Variants in BNC2 observed in about 807,000 individuals in gnomAD.
BNC2 encodes the protein basonuclin zinc finger protein 2.
BNC2 carries 20 observed loss-of-function variants against 76.3 expected under a neutral mutation model. The observed-to-expected ratio is 0.26, with a 90% confidence interval of 0.18 to 0.38. BNC2 has a LOEUF of 0.38. BNC2 is among the 10% of genes least tolerant of loss of function. The pLI, the probability that BNC2 is intolerant of heterozygous loss-of-function variation, is 1.00. For missense variants in BNC2, 1,382 were observed against 1,399.8 expected (o/e 0.99, Z 0.20); for synonymous variants, 582 against 514.8 (o/e 1.13, Z -1.77).
chr9:16,857,582 CATCAT>C (rs1313781288), intron 1 of BNC2, among the ~76,000 whole-genome samples: 1 of 145,798 alleles, frequency 6.9e-6, no homozygotes, highest in Admixed American at 6.9e-5. Context: ...CCTTAAAATA[CATCAT>C]ATCATTTTAA....
chr9:16,578,513 A>G (rs1819547347), intron 4 of BNC2, among the ~76,000 whole-genome samples: 1 of 151,998 alleles, frequency 6.6e-6, no homozygotes, highest in African/African-American at 2.4e-5. Context: ...AGTAGGACTC[A>G]CTCCCACCTG....
At chr9:16,426,260 T>C (rs1464906643) in intron 6 of BNC2, among the ~76,000 whole-genome samples, 1 of 152,302 alleles carries the variant, frequency 6.6e-6, no homozygotes, top group East Asian at 1.9e-4. Flanking sequence ...TTTATAAAGA[T>C]TTTAGAAGAT....
chr9:16,807,389 C>T (rs1441402405), intron 1 of BNC2, among the ~76,000 whole-genome samples: 1 of 152,080 alleles, frequency 6.6e-6, no homozygotes, highest in Non-Finnish European at 1.5e-5. Flanking sequence ...CTAAATCTTC[C>T]CATGATCACA....
chr9:16,435,067 C>T (rs1171520981), intron 6 of BNC2: 2 of 471,312 alleles, frequency 4.2e-6, no homozygotes, highest in Non-Finnish European at 8.8e-6. Flanking sequence ...ATGTCCTGGA[C>T]CTATGGTTCT....
chr9:16,763,104 C>T (rs138677820), intron 1 of BNC2, among the ~76,000 whole-genome samples: 3 of 152,236 alleles, frequency 2.0e-5, no homozygotes, highest in African/African-American at 7.2e-5. Context: ...GAACCCAAAA[C>T]GGCTCTCTAG....
intron 1 of BNC2, among the ~76,000 whole-genome samples, chr9:16,855,909 G>A (rs1409712244): frequency 1.3e-5 from 2 of 151,990 alleles, no homozygotes; most frequent in Non-Finnish European, 1.5e-5. Context: ...ATGGAAATCT[G>A]CAGCAAGTTA....
intron 5 of BNC2, among the ~76,000 whole-genome samples, chr9:16,487,761 T>C (rs1292469774): frequency 6.6e-6 from 1 of 152,222 alleles, no homozygotes; most frequent in Non-Finnish European, 1.5e-5. Flanking sequence ...AGGTAAGCTA[T>C]TCAGAAATAA....
intron 1 of BNC2, among the ~76,000 whole-genome samples, chr9:16,846,000 A>G (rs11998905): frequency 0.17 from 26,280 of 151,734 alleles, 2,600 homozygotes; most frequent in Admixed American, 0.25. Flanking sequence ...ATACAAAAAA[A>G]TTAGCTGGCC....
At chr9:16,494,618 A>G (rs1342724354) in intron 5 of BNC2, among the ~76,000 whole-genome samples, 1 of 152,212 alleles carries the variant, frequency 6.6e-6, no homozygotes, top group Non-Finnish European at 1.5e-5. Context: ...GGGAAAAGGA[A>G]CAGCGAAGAA....
At chr9:16,844,856 T>C (rs1021832291) in intron 1 of BNC2, among the ~76,000 whole-genome samples, 2 of 152,172 alleles carry the variant, frequency 1.3e-5, no homozygotes, top group Admixed American at 6.6e-5. Flanking sequence ...TTATTGGTAT[T>C]TGGGGCAGAA....
chr9:16,743,617 G>C (rs370401178), intron 1 of BNC2, among the ~76,000 whole-genome samples: 9 of 152,274 alleles, frequency 5.9e-5, no homozygotes, highest in African/African-American at 2.2e-4. Flanking sequence ...CCGCAGGGCT[G>C]ATGCCAATGC....
intron 1 of BNC2, among the ~76,000 whole-genome samples, chr9:16,828,524 T>C (rs1278884724): frequency 6.6e-6 from 1 of 152,220 alleles, no homozygotes; most frequent in Non-Finnish European, 1.5e-5. Context: ...AAACATTTTC[T>C]ACTTGTGAAG....
At chr9:16,644,350 T>A (rs1282849526) in intron 3 of BNC2, among the ~76,000 whole-genome samples, 1 of 152,198 alleles carries the variant, frequency 6.6e-6, no homozygotes, top group African/African-American at 2.4e-5. Flanking sequence ...ACCTTAAATA[T>A]GTTTTGATTA....
chr9:16,433,233 A>T (rs1016333166), intron 6 of BNC2, among the ~76,000 whole-genome samples: 7 of 152,250 alleles, frequency 4.6e-5, no homozygotes, highest in Non-Finnish European at 1.0e-4. Flanking sequence ...CCTAAGATCA[A>T]AAGAGTTGCA....
At chr9:16,614,196 G>A (rs1412093081) in intron 3 of BNC2, among the ~76,000 whole-genome samples, 1 of 152,120 alleles carries the variant, frequency 6.6e-6, no homozygotes, top group Non-Finnish European at 1.5e-5. Context: ...CAGACGTAGG[G>A]GTACACCCTG....
rs1820642845 is a variant in BNC2, at chr9:16,418,729, C to G, written c.*260G>C. ...GTGTGTGTGTGTTTAAAGGGGTACT[C>G]TGTTTTCACCCTGAAATCAAAGATC... is the stretch of plus-strand genomic sequence containing the variant. On this transcript the variant is annotated 3_prime_UTR_variant, in exon 7 of 7. Coordinates refer to ENST00000380672, the MANE Select transcript of BNC2 (RefSeq NM_017637.6). 2.1e-6 allele frequency: 1 copy of G among 471,176 alleles called. No homozygotes were observed. The highest frequency in any genetic ancestry group is 3.8e-6 in the Non-Finnish European group (1 of 260,144). 29.2% of individuals were successfully genotyped at this position (471,176 alleles called of 1,614,324 possible).
intron 4 of BNC2, among the ~76,000 whole-genome samples, chr9:16,556,894 AG>A: frequency 6.6e-6 from 1 of 152,312 alleles, no homozygotes; most frequent in Non-Finnish European, 1.5e-5. Flanking sequence ...GATCATATCG[AG>A]TCACCAAGTT....
chr9:16,755,617 C>G (rs548967144), intron 1 of BNC2, among the ~76,000 whole-genome samples: 1 of 152,062 alleles, frequency 6.6e-6, no homozygotes, highest in Non-Finnish European at 1.5e-5. Flanking sequence ...TACCTGTTGA[C>G]GGCTAGTAAA....
At chr9:16,637,727 C>T (rs779464168) in intron 3 of BNC2, among the ~76,000 whole-genome samples, 5 of 152,136 alleles carry the variant, frequency 3.3e-5, no homozygotes, top group Non-Finnish European at 5.9e-5. Context: ...GCAGGCCTCA[C>T]CTGGGTGAGG....
Sources: gnomAD v4.1 joint callset for allele counts (sites outside exome capture counted in the v4.1 genomes callset) on GRCh38, gnomAD v4.1.1 for gene constraint, MANE v1.5 for transcripts, NCBI Gene and HGNC (gene_info 2026-07-23, HGNC 2026-07-21) for gene names.